The following TPRG1 variants were observed in gnomAD, a reference collection of about 807,000 sequenced individuals.
TPRG1 encodes tumor protein p63 regulated 1.
In TPRG1, 29 loss-of-function variants were observed where a neutral mutation model predicts 29.3. The ratio of observed to expected loss-of-function variants is 0.99; its 90% CI spans 0.74 to 1.35. The LOEUF is 1.35. Among genes scored for constraint, TPRG1 ranks in the 40% most tolerant of loss-of-function variants. The probability of loss-of-function intolerance (pLI) is 0.00; values close to 1 mark genes in which losing one functional copy is unlikely to be tolerated. For missense variants in TPRG1, 327 were observed against 335.0 expected, an observed-to-expected ratio of 0.98 and a Z score of 0.19; for synonymous variants, 130 against 116.8, an observed-to-expected ratio of 1.11 and a Z score of -0.73.
intron 4 of TPRG1, among the ~76,000 whole-genome samples, chr3:189,253,009 T>A (rs746947205): frequency 3.8e-4 from 58 of 152,270 alleles, no homozygotes; most frequent in Non-Finnish European, 7.5e-4. Context: ...AAATCCCAGT[T>A]TTTGATATTA....
chr3:189,100,763 T>C (rs572132618), intron 1 of TPRG1, among the ~76,000 whole-genome samples: 1 of 152,324 alleles, frequency 6.6e-6, no homozygotes, highest in South Asian at 2.1e-4. Flanking sequence ...GATAGCCTTC[T>C]TGACCAGTTC....
intron 4 of TPRG1, among the ~76,000 whole-genome samples, chr3:189,294,871 A>C (rs1444849139): frequency 6.6e-6 from 1 of 151,820 alleles, no homozygotes; most frequent in East Asian, 1.9e-4. Flanking sequence ...TTTTTATTAC[A>C]CTTTAAGTTC....
intron 3 of TPRG1, among the ~76,000 whole-genome samples, chr3:189,145,814 C>T (rs1206429237): frequency 1.3e-5 from 2 of 152,166 alleles, no homozygotes; most frequent in Non-Finnish European, 2.9e-5. Context: ...TTATGACACT[C>T]AAGCTGCTAA....
At chr3:189,320,440 G>A (rs1226825173) in intron 5 of TPRG1, among the ~76,000 whole-genome samples, 186 bp from the exon 6 acceptor site, 3 of 152,012 alleles carry the variant, frequency 2.0e-5, no homozygotes, top group Non-Finnish European at 4.4e-5. Flanking sequence ...AGTCTTAATG[G>A]ACTTAAGCAC....
intron 1 of TPRG1, among the ~76,000 whole-genome samples, chr3:189,191,486 T>C (rs1731685803): frequency 6.6e-6 from 1 of 152,208 alleles, no homozygotes; most frequent in Non-Finnish European, 1.5e-5. Context: ...TATTTAAATC[T>C]TCCTGGCATC....
chr3:189,059,936 A>G (rs371127436), intron 4 of TPRG1, among the ~76,000 whole-genome samples: 4 of 152,184 alleles, frequency 2.6e-5, no homozygotes, highest in African/African-American at 9.6e-5. Context: ...ACATTCCTTC[A>G]TGTTAAAAAC....
chr3:189,253,584 C>G (rs966733134), intron 4 of TPRG1, among the ~76,000 whole-genome samples: 1 of 152,062 alleles, frequency 6.6e-6, no homozygotes. Context: ...TCTTTATAGT[C>G]AAATGATTGA....
chr3:189,143,708 G>A (rs1319562106), intron 3 of TPRG1, among the ~76,000 whole-genome samples: 1 of 152,174 alleles, frequency 6.6e-6, no homozygotes, highest in Non-Finnish European at 1.5e-5. Flanking sequence ...AGACTTAGGT[G>A]TAGGTGACAC....
At chr3:189,279,092 T>G (rs1157906096) in intron 4 of TPRG1, among the ~76,000 whole-genome samples, 1 of 152,368 alleles carries the variant, frequency 6.6e-6, no homozygotes, top group Non-Finnish European at 1.5e-5. Context: ...CTGCTTCAAC[T>G]GCTAACTCTG....
intron 4 of TPRG1, among the ~76,000 whole-genome samples, chr3:189,254,323 A>G (rs1320172253): frequency 1.3e-5 from 2 of 152,230 alleles, no homozygotes; most frequent in African/African-American, 2.4e-5. Flanking sequence ...CAAAGATTAG[A>G]TGGCTGTAGA....
chr3:189,189,709 C>T (rs548050814), intron 1 of TPRG1, among the ~76,000 whole-genome samples: 151 of 152,284 alleles, frequency 9.9e-4, no homozygotes, highest in African/African-American at 3.5e-3. Context: ...CTATCCCGGA[C>T]GGGGTGTTGA....
chr3:189,042,795 T>C (rs974672290), intron 4 of TPRG1, among the ~76,000 whole-genome samples: 3 of 152,162 alleles, frequency 2.0e-5, no homozygotes, highest in Non-Finnish European at 4.4e-5. Context: ...TGTAATCTGC[T>C]AAGGCTGGGA....
Position 189,119,454 on chromosome 3 carries a change from G to A in TPRG1, c.-743-7603G>A, listed in dbSNP as rs115457830. Among the ~76,000 whole-genome samples the A allele has an allele frequency of 7.4e-3, 1,126 of 152,290 alleles. 10 individuals carry two copies. The highest frequency in any genetic ancestry group is 7.9e-3 in the Non-Finnish European group (538 of 68,022). On this transcript the variant is annotated intron_variant, in intron 1 of 6. Transcript: ENST00000412373. ...GGGACTGTTGGAGGGGCACGATTGC[G>A]TTTTGAAATGTGAGGACATGAGATT...
chr3:189,185,521 C>T (rs1730805086), intron 1 of TPRG1, among the ~76,000 whole-genome samples: 1 of 152,186 alleles, frequency 6.6e-6, no homozygotes, highest in African/African-American at 2.4e-5. Context: ...CCACTGCACC[C>T]AGCCTGGCTC....
At chr3:189,065,263 C>A (rs1716363246) in intron 4 of TPRG1, among the ~76,000 whole-genome samples, 1 of 152,034 alleles carries the variant, frequency 6.6e-6, no homozygotes, top group Admixed American at 6.6e-5. Context: ...AGCATTAACA[C>A]AAATTTTGCA....
At chr3:189,031,274 G>A (rs1479761409) in intron 4 of TPRG1, among the ~76,000 whole-genome samples, 1 of 139,030 alleles carries the variant, frequency 7.2e-6, no homozygotes, top group East Asian at 2.1e-4. Context: ...CTGGGCGACA[G>A]AGCGAGACTC....
intron 1 of TPRG1, among the ~76,000 whole-genome samples, chr3:189,103,684 G>C (rs1719474426): frequency 6.6e-6 from 1 of 152,116 alleles, no homozygotes; most frequent in Middle Eastern, 3.2e-3. Context: ...TTTTTTGAAG[G>C]ATACTGGGAT....
At chr3:189,249,995 C>T (rs1283806747) in intron 4 of TPRG1, among the ~76,000 whole-genome samples, 10 of 152,042 alleles carry the variant, frequency 6.6e-5, no homozygotes, top group Non-Finnish European at 2.9e-5. Flanking sequence ...TGTATCATTC[C>T]CATAAAATCC....
chr3:189,315,756 C>A, intron 5 of TPRG1: 1 of 224,632 alleles, frequency 4.5e-6, no homozygotes, highest in Non-Finnish European at 9.1e-6. Context: ...CTGGCAGTGA[C>A]CATTACATGA....
Sources: allele counts gnomAD v4.1 joint callset (sites outside exome capture counted in the v4.1 genomes callset), GRCh38; gene constraint gnomAD v4.1.1; transcripts MANE v1.5; gene names NCBI Gene and HGNC (gene_info 2026-07-23, HGNC 2026-07-21).